The following PCDH7 variants were observed in gnomAD, a reference collection of about 807,000 sequenced individuals.
PCDH7 encodes protocadherin-7.
Under a neutral mutation model 58.9 loss-of-function variants are expected in PCDH7, and 17 were observed. The observed-to-expected ratio is 0.29, with a 90% CI of 0.20 to 0.43. The LOEUF is 0.43. Among genes scored for constraint, PCDH7 ranks in the 20% least tolerant of loss-of-function variants. The pLI is 1.00. For missense variants in PCDH7, 1,274 were observed against 1,441.0 expected (o/e 0.88, Z 1.88); for synonymous variants, 664 against 616.4 (o/e 1.08, Z -1.14).
chr4:30,730,356 A>G (rs942316408), intron 1 of PCDH7, among the ~76,000 whole-genome samples: 1 of 152,074 alleles, frequency 6.6e-6, no homozygotes, highest in Non-Finnish European at 1.5e-5. Context: ...GGTACATTAC[A>G]CTGTGCTTTA....
At chr4:30,876,318 G>A (rs1414535254) in intron 1 of PCDH7, among the ~76,000 whole-genome samples, 3 of 151,332 alleles carry the variant, frequency 2.0e-5, no homozygotes, top group Non-Finnish European at 4.4e-5. Context: ...ATTTATTTGG[G>A]GCTTAACGTA....
intron 3 of PCDH7, among the ~76,000 whole-genome samples, chr4:31,094,833 C>T (rs914970439): frequency 6.7e-6 from 1 of 150,118 alleles, no homozygotes; most frequent in Non-Finnish European, 1.5e-5. Flanking sequence ...TTTTATGATT[C>T]GTATTACCAA....
At chr4:30,777,255 C>A (rs1379286004) in intron 1 of PCDH7, among the ~76,000 whole-genome samples, 1 of 152,124 alleles carries the variant, frequency 6.6e-6, no homozygotes, top group African/African-American at 2.4e-5. Flanking sequence ...CAGCCTGAAA[C>A]CTTACAAACT....
At chr4:31,140,848 G>T (rs1720164346) in intron 3 of PCDH7, among the ~76,000 whole-genome samples, 1 of 152,156 alleles carries the variant, frequency 6.6e-6, no homozygotes. Context: ...CTGCTCACTT[G>T]TAAGTCAAAT....
At chr4:30,736,640 A>G (rs1225711723), downstream of PCDH7, among the ~76,000 whole-genome samples, 1 of 147,172 alleles carries the variant, frequency 6.8e-6, no homozygotes, top group Non-Finnish European at 1.5e-5. Context: ...GATTCGCGCC[A>G]TTCTCCTGCC....
At chr4:30,749,213 T>C (rs1718172257) in intron 1 of PCDH7, among the ~76,000 whole-genome samples, 1 of 152,170 alleles carries the variant, frequency 6.6e-6, no homozygotes, top group African/African-American at 2.4e-5. Flanking sequence ...AAAGGTGTGG[T>C]TTCACCACTC....
chr4:30,823,703 T>C (rs1728656360), intron 1 of PCDH7, among the ~76,000 whole-genome samples: 1 of 152,088 alleles, frequency 6.6e-6, no homozygotes, highest in Non-Finnish European at 1.5e-5. Flanking sequence ...AGATTGATAA[T>C]ATCAAGAGCT....
chr4:30,759,217 C>T (rs1719721803), intron 1 of PCDH7, among the ~76,000 whole-genome samples: 1 of 152,142 alleles, frequency 6.6e-6, no homozygotes, highest in African/African-American at 2.4e-5. Context: ...GCTGGGATTA[C>T]AGGTGTGAGC....
chr4:31,068,870 G>A (rs1236523122), intron 3 of PCDH7, among the ~76,000 whole-genome samples: 1 of 151,978 alleles, frequency 6.6e-6, no homozygotes, highest in Non-Finnish European at 1.5e-5. Flanking sequence ...ACTCATATAA[G>A]CCATAATTAC....
intron 3 of PCDH7, among the ~76,000 whole-genome samples, chr4:31,071,441 G>C (rs187985391): frequency 3.7e-4 from 56 of 152,052 alleles, no homozygotes; most frequent in Admixed American, 1.4e-3. Context: ...TTGCAGGAGA[G>C]GGGGCAGCCT....
At position 31,063,746 on chromosome 4, in the gene PCDH7, T is replaced by C. The variant is rs1260613221; in HGVS notation, c.*8-78727T>C. The stretch of plus-strand genomic sequence containing the variant: ...AAATTTTCTGCCTCATTCTATAGAG[T>C]ATAATGGTCTCTAAGATTGAATGAA... On this transcript the variant is annotated intron_variant, in intron 3 of 3. Transcript: ENST00000509759. Among the ~76,000 whole-genome samples, 3 of 151,872 alleles carry C rather than the reference T, an allele frequency of 2.0e-5. No homozygotes were observed. In the East Asian group the frequency reaches 5.8e-4, roughly 29 times the overall value.
chr4:30,735,286 C>T (rs1033502252), downstream of PCDH7, among the ~76,000 whole-genome samples: 4 of 152,140 alleles, frequency 2.6e-5, no homozygotes, highest in African/African-American at 9.7e-5. Flanking sequence ...CTTCGTTGTG[C>T]TAATCCATGC....
rs1166969785 is a variant in PCDH7, at chr4:31,036,146, T to A, written c.*7+85931T>A. On this transcript the variant is annotated intron_variant, in intron 3 of 3. Transcript: ENST00000509759. ...TAATCTGTACTTTGCTAAGTCTCAT[T>A]TGGTCTTTTTCACTGAACATAGAAA... Among the ~76,000 whole-genome samples, 3 of 152,178 alleles carry A rather than the reference T, an allele frequency of 2.0e-5. No homozygotes were observed. In the East Asian group the frequency reaches 5.8e-4, roughly 29 times the overall value.
chr4:30,791,147 G>A (rs569072130), intron 1 of PCDH7, among the ~76,000 whole-genome samples: 2 of 152,184 alleles, frequency 1.3e-5, no homozygotes, highest in South Asian at 4.2e-4. Flanking sequence ...TTTGAACAGG[G>A]AGCGTTCACA....
At chr4:30,926,777 T>C (rs1466853881) in intron 2 of PCDH7, among the ~76,000 whole-genome samples, 1 of 152,194 alleles carries the variant, frequency 6.6e-6, no homozygotes. Flanking sequence ...GATGTCATTA[T>C]GGTCTTTCTA....
chr4:30,940,802 C>T (rs1167133812), intron 2 of PCDH7, among the ~76,000 whole-genome samples: 2 of 151,946 alleles, frequency 1.3e-5, no homozygotes, highest in Admixed American at 6.6e-5. Flanking sequence ...AAGAAGAAAT[C>T]AGCAATTTTG....
intron 3 of PCDH7, among the ~76,000 whole-genome samples, chr4:30,957,840 G>A (rs570428614): frequency 4.6e-5 from 7 of 152,150 alleles, no homozygotes; most frequent in Non-Finnish European, 8.8e-5. Context: ...GTTACTTTCG[G>A]CTAACGCATT....
At chr4:30,757,561 T>C (rs1264780709) in intron 1 of PCDH7, among the ~76,000 whole-genome samples, 3 of 152,194 alleles carry the variant, frequency 2.0e-5, no homozygotes, top group Non-Finnish European at 4.4e-5. Flanking sequence ...TTTTTGCCTG[T>C]ATGAAACATC....
At chr4:30,844,199 T>C (rs1731609296) in intron 1 of PCDH7, among the ~76,000 whole-genome samples, 1 of 152,164 alleles carries the variant, frequency 6.6e-6, no homozygotes, top group Non-Finnish European at 1.5e-5. Flanking sequence ...TTAACTCCTG[T>C]TAAATAAATA....
Sources: gnomAD v4.1 joint callset for allele counts (sites outside exome capture counted in the v4.1 genomes callset) on GRCh38, gnomAD v4.1.1 for gene constraint, MANE v1.5 for transcripts, NCBI Gene and HGNC (gene_info 2026-07-23, HGNC 2026-07-21) for gene names.